Variants in GAS2L3 observed in about 807,000 individuals in gnomAD.
The protein encoded by GAS2L3 is growth arrest specific 2 like 3.
Under a neutral mutation model 37.0 loss-of-function variants are expected in GAS2L3, and 28 were observed. The ratio of observed to expected loss-of-function variants is 0.76; its 90% CI spans 0.56 to 1.04. The LOEUF (loss-of-function observed/expected upper bound fraction) is 1.04, where lower values mean the gene tolerates loss of function less well. Among genes scored for constraint, GAS2L3 ranks in the 50% least tolerant of loss-of-function variants. The probability of loss-of-function intolerance (pLI) is 0.00; values close to 1 mark genes in which losing one functional copy is unlikely to be tolerated. For missense variants in GAS2L3, 793 were observed against 817.6 expected (o/e 0.97, Z 0.37); for synonymous variants, 290 against 296.6 (o/e 0.98, Z 0.23).
At chr12:100,581,880 A>C (rs557122035) in intron 1 of GAS2L3, among the ~76,000 whole-genome samples, 18 of 152,324 alleles carry the variant, frequency 1.2e-4, no homozygotes, top group African/African-American at 4.1e-4. Context: ...ATTGTCATTT[A>C]TTTGAGATGG....
intron 3 of GAS2L3, among the ~76,000 whole-genome samples, chr12:100,595,310 A>G (rs1955897280): frequency 6.6e-6 from 1 of 151,876 alleles, no homozygotes; most frequent in South Asian, 2.1e-4. Flanking sequence ...TTCAGTGAAA[A>G]CAAATATATG....
chr12:100,601,812 C>T, intron 5 of GAS2L3, 59 bp downstream of exon 5: 1 of 807,744 alleles, frequency 1.2e-6, no homozygotes, highest in Non-Finnish European at 2.0e-6. Context: ...TTTATGTACA[C>T]TTCTTATCTC....
In GAS2L3 at chr12:100,606,101, C is replaced by T. The variant is rs1306763106; in HGVS notation, c.303+4348C>T. ...GAAAGTGGGGTGTTGAAGTCTCCAGCTGTTACTGTATTGGAGTCTCTCTCT... is the reference window on the plus strand; with the variant it reads ...GAAAGTGGGGTGTTGAAGTCTCCAGTTGTTACTGTATTGGAGTCTCTCTCT... On this transcript the variant is annotated intron_variant, in intron 5 of 9. Transcript: ENST00000547754. Among the ~76,000 whole-genome samples the T allele has an allele frequency of 2.0e-5, 3 of 151,954 alleles. No individual in the cohort carries two copies. The East Asian group carries it at 5.8e-4, about 29-fold the overall frequency.
At chr12:100,577,550 T>A (rs534133083) in intron 1 of GAS2L3, among the ~76,000 whole-genome samples, 1 of 152,346 alleles carries the variant, frequency 6.6e-6, no homozygotes, top group East Asian at 1.9e-4. Flanking sequence ...TTTATTAAAC[T>A]GTAAACATTT....
intron 2 of GAS2L3, chr12:100,594,050 A>G (rs972761281): frequency 1.3e-5 from 2 of 152,038 alleles, no homozygotes; most frequent in African/African-American, 4.8e-5. Context: ...TTGGAAAGTA[A>G]TAGCATTATA....
rs751697930 is a variant in GAS2L3 at position 100,623,696 on chromosome 12, A to G, written c.891A>G (p.Lys297=). 6.2e-7 allele frequency: 1 copy of G among 1,614,122 alleles called. No homozygotes were observed. The highest frequency in any genetic ancestry group is 1.3e-5 in the African/African-American group (1 of 75,064). ...AACAAAAAATTTTAGCATTTCAAAA[A>G]GGAGTTTCTAATGAAAGTGTACCTG... is the stretch of plus-strand genomic sequence containing the variant. The part of the protein sequence containing the change: ...TLEQKILAFQ[K]GVSNESVPDS... Residue 297 remains lysine (K), a synonymous_variant, in exon 10 of 10, where the codon AAA becomes AAG. Coordinates refer to ENST00000547754, the MANE Select transcript of GAS2L3 (RefSeq NM_174942.3).
At chr12:100,602,823 C>T (rs542913667) in intron 5 of GAS2L3, among the ~76,000 whole-genome samples, 8 of 152,202 alleles carry the variant, frequency 5.3e-5, no homozygotes, top group Middle Eastern at 3.4e-3. Context: ...CTCTGCTAAC[C>T]GTCCTTCTAC....
rs552159012 is a variant in GAS2L3 at position 100,612,115 on chromosome 12, C to T, written c.419C>T (p.Thr140Ile). The T allele has an allele frequency of 2.5e-6, 4 of 1,613,380 alleles. No individual in the cohort carries two copies. In the South Asian group the frequency reaches 4.4e-5, roughly 18 times the overall value. Reference protein sequence around the residue: ...HWCRDIGVDETYLFESEGLVL... With the variant: ...HWCRDIGVDEIYLFESEGLVL... ...TGTAGGGACATTGGGGTTGATGAAA[C>T]TTACCTCTTTGAATCTGAAGGTTTA... The change falls in exon 6 of 10, where the codon ACT becomes ATT. Residue 140 changes from threonine (T) to isoleucine (I), a missense_variant. Transcript: ENST00000547754.
chr12:100,581,329 G>A (rs1955709103), intron 1 of GAS2L3, among the ~76,000 whole-genome samples: 1 of 152,196 alleles, frequency 6.6e-6, no homozygotes, highest in Non-Finnish European at 1.5e-5. Context: ...GTTATTAACT[G>A]TAATTGTTGT....
Position 100,603,646 on chromosome 12 carries a change from T to G in GAS2L3, c.303+1893T>G, listed in dbSNP as rs563915406. Among the ~76,000 whole-genome samples, 3 of 152,210 alleles carry G rather than the reference T, an allele frequency of 2.0e-5. No individual in the cohort carries two copies. In the South Asian group the frequency reaches 6.2e-4, roughly 32 times the overall value. On this transcript the variant is annotated intron_variant, in intron 5 of 9. Transcript: ENST00000547754. ...GAAGCTTTTTAACTTGATATGATCC[T>G]ATTTATTTTTGATTTGGTTGCTTCT...
intron 3 of GAS2L3, among the ~76,000 whole-genome samples, chr12:100,598,970 T>C (rs1191244302): frequency 2.6e-5 from 4 of 152,192 alleles, no homozygotes; most frequent in African/African-American, 9.6e-5. Context: ...TCAGCTCACT[T>C]GGACTCTGAC....
rs891681346 is a variant in GAS2L3 at position 100,622,285 on chromosome 12, T to C, written c.659T>C (p.Ile220Thr). ...HEELHEAVKH[I>T]AEDPPCSCSH... The stretch of plus-strand genomic sequence containing the variant: ...TGTTCGTCATCTTAGGTTAAACATA[T>C]TGCTGAGGACCCTCCTTGTAGTTGT... The change falls in exon 9 of 10, where the codon ATT (isoleucine) becomes ACT (threonine). Residue 220 changes from isoleucine (I) to threonine (T), a missense_variant. Coordinates refer to ENST00000547754, the MANE Select transcript of GAS2L3 (RefSeq NM_174942.3). 6.3e-7 allele frequency: 1 copy of C among 1,580,518 alleles called. No individual in the cohort carries two copies. Among genetic ancestry groups the C allele is most frequent in the Non-Finnish European group, 8.7e-7 (1 of 1,152,820 alleles).
chr12:100,579,765 G>GA (rs1955686657), intron 1 of GAS2L3: 13 of 719,962 alleles, frequency 1.8e-5, no homozygotes, highest in Non-Finnish European at 3.0e-5. Context: ...GGTGCTTCCG[G>GA]AAAATCTTAC....
intron 3 of GAS2L3, among the ~76,000 whole-genome samples, chr12:100,595,475 TG>T (rs370342207): frequency 3.7e-4 from 56 of 151,650 alleles, no homozygotes; most frequent in African/African-American, 1.3e-3. Flanking sequence ...GCCTTATATC[TG>T]AATGATTTCC....
chr12:100,618,381 A>G (rs1366884357), intron 7 of GAS2L3, 68 bp from the exon 8 acceptor site: 4 of 1,476,810 alleles, frequency 2.7e-6, no homozygotes, highest in East Asian at 2.3e-5. Context: ...AAGAAAATCT[A>G]TCTTGATATG....
At chr12:100,585,467 G>T (rs555135102) in intron 1 of GAS2L3, among the ~76,000 whole-genome samples, 1 of 152,018 alleles carries the variant, frequency 6.6e-6, no homozygotes, top group African/African-American at 2.4e-5. Flanking sequence ...TGTTGGCCAG[G>T]CTGGTCTTGA....
Position 100,600,410 on chromosome 12 carries a change from G to C in GAS2L3, c.47G>C (p.Ser16Thr). 6.2e-7 allele frequency: 1 copy of C among 1,602,866 alleles called. No individual in the cohort carries two copies. The highest frequency in any genetic ancestry group is 8.5e-7 in the Non-Finnish European group (1 of 1,176,076). Reference sequence around the variant, plus strand: ...TGGTTTGGAGAAGATCTGCCTCTAAGTCCTCGGAGTCCTCTGACTCCCAGA... The same window carrying C: ...TGGTTTGGAGAAGATCTGCCTCTAACTCCTCGGAGTCCTCTGACTCCCAGA... Reference protein sequence around the residue: ...QVWFGEDLPLSPRSPLTPRHG... With the variant: ...QVWFGEDLPLTPRSPLTPRHG... The change falls in exon 4 of 10, where the codon AGT becomes ACT. Residue 16 changes from serine to threonine, a missense_variant. Ser to Thr is a moderately conservative substitution (Grantham distance 58). Coordinates refer to ENST00000547754, the MANE Select transcript of GAS2L3 (RefSeq NM_174942.3).
intron 1 of GAS2L3, among the ~76,000 whole-genome samples, chr12:100,584,019 A>C (rs1955747486): frequency 6.6e-6 from 1 of 152,210 alleles, no homozygotes; most frequent in African/African-American, 2.4e-5. Flanking sequence ...TAGCAGAAAC[A>C]TTGTGGAGAA....
chr12:100,605,843 A>T (rs1956049689), intron 5 of GAS2L3, among the ~76,000 whole-genome samples: 1 of 150,342 alleles, frequency 6.7e-6, no homozygotes, highest in Admixed American at 6.6e-5. Context: ...TTATTCCATT[A>T]TGGTCAGAGG....
Sources: allele counts gnomAD v4.1 joint callset (sites outside exome capture counted in the v4.1 genomes callset), GRCh38; gene constraint gnomAD v4.1.1; transcripts MANE v1.5; gene names NCBI Gene and HGNC (gene_info 2026-07-23, HGNC 2026-07-21).